The following LIMCH1 variants were observed in gnomAD, a reference collection of about 807,000 sequenced individuals.
LIMCH1 encodes LIM and calponin homology domains 1, also known as LIM and calponin homology domains-containing protein 1.
Under a neutral mutation model 176.5 loss-of-function variants are expected in LIMCH1, and 113 were observed. The ratio of observed to expected loss-of-function variants is 0.64; its 90% confidence interval spans 0.55 to 0.75. The LOEUF is 0.75. Ranked by LOEUF, LIMCH1 falls within the 30% of genes least tolerant of loss-of-function variation. LIMCH1 has a pLI of 0.00. For missense variants in LIMCH1, 1,674 were observed against 1,814.9 expected (o/e 0.92, Z 1.41); for synonymous variants, 619 against 645.9 (o/e 0.96, Z 0.63).
chr4:41,685,679 C>T lies in LIMCH1; in HGVS notation c.3968-31C>T, dbSNP rs761345212. On this transcript the variant is annotated intron_variant, in intron 27 of 31. Coordinates refer to ENST00000503057, the MANE Select transcript of LIMCH1 (RefSeq NM_001330672.2). ...TAGGTAGTAAGGTGATTTTACTGTGCACTACATTTATGTTCTTTAATTGGC... is the reference window on the plus strand; with the variant it reads ...TAGGTAGTAAGGTGATTTTACTGTGTACTACATTTATGTTCTTTAATTGGC... 8 of 1,611,904 alleles carry T rather than the reference C, an allele frequency of 5.0e-6. 1 individual carries two copies. The South Asian group carries it at 7.7e-5, about 16-fold the overall frequency.
At chr4:41,666,123 A>G (rs893798507) in intron 20 of LIMCH1, among the ~76,000 whole-genome samples, 2 of 152,208 alleles carry the variant, frequency 1.3e-5, no homozygotes, top group Non-Finnish European at 2.9e-5. Context: ...ATATCCATTG[A>G]AAAGTAATAC....
intron 1 of LIMCH1, among the ~76,000 whole-genome samples, chr4:41,397,560 G>C (rs1187046499): frequency 2.0e-5 from 3 of 151,892 alleles, no homozygotes; most frequent in Non-Finnish European, 4.4e-5. Context: ...ACATTAAGTT[G>C]CCCTTGTTAA....
chr4:41,461,274 G>A (rs945805501), intron 1 of LIMCH1, among the ~76,000 whole-genome samples: 5 of 152,160 alleles, frequency 3.3e-5, no homozygotes, highest in Non-Finnish European at 7.4e-5. Context: ...CTGCAGTCTG[G>A]CTGCAGAATC....
At chr4:41,679,245 G>A (rs567106332) in intron 23 of LIMCH1, among the ~76,000 whole-genome samples, 122 of 152,284 alleles carry the variant, frequency 8.0e-4, no homozygotes, top group African/African-American at 2.7e-3. Context: ...CAAGGCATCA[G>A]GAGTGTCACT....
chr4:41,535,014 T>C (rs972105506), upstream of LIMCH1, among the ~76,000 whole-genome samples: 6 of 151,486 alleles, frequency 4.0e-5, no homozygotes, highest in Admixed American at 2.0e-4. Context: ...TACAAAAAAT[T>C]AGCCAGGCAT....
chr4:41,387,645 G>C (rs1191885068), intron 1 of LIMCH1, among the ~76,000 whole-genome samples: 1 of 152,220 alleles, frequency 6.6e-6, no homozygotes, highest in Non-Finnish European at 1.5e-5. Flanking sequence ...GTTTTCTGAT[G>C]AAGGCATGGT....
chr4:41,380,029 C>T (rs949266036), intron 1 of LIMCH1, among the ~76,000 whole-genome samples: 15 of 152,066 alleles, frequency 9.9e-5, no homozygotes, highest in African/African-American at 2.7e-4. Context: ...AACTCCCTGA[C>T]GTTAACCTCA....
intron 7 of LIMCH1, among the ~76,000 whole-genome samples, chr4:41,621,786 A>G (rs1448283528): frequency 6.6e-6 from 1 of 152,144 alleles, no homozygotes; most frequent in Non-Finnish European, 1.5e-5. Flanking sequence ...GTTGATAGTC[A>G]GTGACTTGCA....
chr4:41,670,693 T>C, intron 21 of LIMCH1: 1 of 1,506,366 alleles, frequency 6.6e-7, no homozygotes, highest in Non-Finnish European at 8.9e-7. Context: ...GTTTTCTGTT[T>C]GTTCTGTTCT....
intron 1 of LIMCH1, among the ~76,000 whole-genome samples, chr4:41,473,845 T>C (rs1265791989): frequency 1.3e-5 from 2 of 152,182 alleles, no homozygotes; most frequent in Non-Finnish European, 2.9e-5. Flanking sequence ...GAAGGAACTG[T>C]AATGACTAAT....
intron 1 of LIMCH1, among the ~76,000 whole-genome samples, chr4:41,426,115 G>A (rs1305599953): frequency 4.2e-5 from 6 of 141,248 alleles, no homozygotes; most frequent in African/African-American, 1.1e-4. Flanking sequence ...TCCGCCTCCC[G>A]GGTTCACGCC....
chr4:41,421,345 T>A (rs543028926), intron 1 of LIMCH1, among the ~76,000 whole-genome samples: 37 of 152,306 alleles, frequency 2.4e-4, no homozygotes, highest in Admixed American at 2.1e-3. Flanking sequence ...AGAGGTCAGA[T>A]CGCTGATTCA....
At chr4:41,565,386 C>CACACACAT (rs1554102450) in intron 1 of LIMCH1, among the ~76,000 whole-genome samples, 2 of 139,634 alleles carry the variant, frequency 1.4e-5, no homozygotes, top group African/African-American at 5.4e-5. Context: ...CACACACATA[C>CACACACAT]ACACACACAC....
intron 23 of LIMCH1, 107 bp downstream of exon 23, chr4:41,676,569 T>A: frequency 1.2e-6 from 1 of 840,010 alleles, no homozygotes; most frequent in Non-Finnish European, 2.0e-6. Flanking sequence ...CAAGTTATTC[T>A]CGGAAGTTAG....
chr4:41,489,289 T>A (rs771779530), intron 1 of LIMCH1, among the ~76,000 whole-genome samples: 3 of 152,162 alleles, frequency 2.0e-5, no homozygotes, highest in Admixed American at 6.5e-5. Context: ...CTTTGATTTT[T>A]CCCTATTGTT....
At chr4:41,628,537 C>G (rs1285780107) in intron 8 of LIMCH1, among the ~76,000 whole-genome samples, 2 of 152,082 alleles carry the variant, frequency 1.3e-5, no homozygotes, top group East Asian at 3.9e-4. Flanking sequence ...GCAAGCATGC[C>G]AAATCATCAA....
intron 30 of LIMCH1, among the ~76,000 whole-genome samples, chr4:41,692,044 A>G (rs1352348613): frequency 6.6e-6 from 1 of 152,176 alleles, no homozygotes; most frequent in Non-Finnish European, 1.5e-5. Context: ...CAAGCCAACA[A>G]ACCTCACTGA....
chr4:41,499,001 T>C (rs2072734415), intron 2 of LIMCH1, among the ~76,000 whole-genome samples: 1 of 152,196 alleles, frequency 6.6e-6, no homozygotes, highest in Admixed American at 6.5e-5. Flanking sequence ...TACTATCTGG[T>C]CCTTTACAGA....
At chr4:41,648,038 CATA>C (rs2094136639) in intron 17 of LIMCH1, among the ~76,000 whole-genome samples, 5 of 152,174 alleles carry the variant, frequency 3.3e-5, no homozygotes, top group Admixed American at 3.3e-4. Context: ...AGCTACTAAT[CATA>C]TGGACTCACA....
Sources: allele counts gnomAD v4.1 joint callset (sites outside exome capture counted in the v4.1 genomes callset), GRCh38; gene constraint gnomAD v4.1.1; transcripts MANE v1.5; gene names NCBI Gene and HGNC (gene_info 2026-07-23, HGNC 2026-07-21).